The following SNU13 variants were observed in gnomAD, a reference collection of about 807,000 sequenced individuals.
The protein encoded by SNU13 is small nuclear ribonucleoprotein 13, also known as NHP2-like protein 1.
Under a neutral mutation model 12.4 loss-of-function variants are expected in SNU13, and 2 were observed. The observed-to-expected ratio is 0.16, with a 90% CI of 0.07 to 0.51. SNU13 has a LOEUF of 0.51. Ranked by LOEUF, SNU13 falls within the 20% of genes least tolerant of loss-of-function variation. The probability of loss-of-function intolerance (pLI) is 0.96; values close to 1 mark genes in which losing one functional copy is unlikely to be tolerated. For missense variants in SNU13, 66 were observed against 157.8 expected, an observed-to-expected ratio of 0.42 and a Z score of 3.12; for synonymous variants, 68 against 66.5, an observed-to-expected ratio of 1.02 and a Z score of -0.11.
chr22:41,678,003 T>A (rs1452610037), intron 2 of SNU13, among the ~76,000 whole-genome samples: 1 of 149,870 alleles, frequency 6.7e-6, no homozygotes, highest in Non-Finnish European at 1.5e-5. Context: ...TGAGACGGAG[T>A]CTCACTCTGT....
rs748967803 is a variant in SNU13, at chr22:41,675,158, G to A, written c.162C>T (p.Ile54=). 64 of 1,613,874 alleles carry A rather than the reference G, an allele frequency of 4.0e-5. No homozygotes were observed. The highest frequency in any genetic ancestry group is 1.6e-4 in the Middle Eastern group (1 of 6,082). ...GTGGCTCGGCGTCTGCAGCCATCAC[G>A]ATGAACTCAGAGATGCCCCTGTTGA... The part of the protein sequence containing the change: ...KTLNRGISEF[I]VMAADAEPLE... Residue 54 remains isoleucine (I), a synonymous_variant, in exon 3 of 3, where the codon ATC becomes ATT. Transcript: ENST00000401959.
In SNU13 at chr22:41,675,107, C is replaced by A. The variant is rs1361223267; in HGVS notation, c.213G>T (p.Leu71=). ...EPLEIILHLP[L]LCEDKNVPYV... is the part of the protein sequence containing the mutation. ...AGGGCACATTCTTGTCTTCACACAG[C>A]AGCGGCAGGTGCAGAATGATCTCCA... is the stretch of plus-strand genomic sequence containing the variant. The change falls in exon 3 of 3, where the codon CTG becomes CTT. Residue 71 remains leucine, a synonymous_variant. Transcript: ENST00000401959. 1.9e-6 allele frequency: 3 copies of A among 1,614,134 alleles called. No homozygotes were observed. The African/African-American group carries it at 4.0e-5, about 22-fold the overall frequency.
chr22:41,678,571 T>C (rs2068234479), intron 2 of SNU13, among the ~76,000 whole-genome samples: 1 of 152,156 alleles, frequency 6.6e-6, no homozygotes, highest in African/African-American at 2.4e-5. Context: ...CCGTGCAAAG[T>C]ATGGCAAGAG....
In SNU13 at chr22:41,677,247, G is replaced by A. The variant is rs1173345192; in HGVS notation, c.125-2052C>T. On this transcript the variant is annotated intron_variant, in intron 2 of 2. Coordinates refer to ENST00000401959, the MANE Select transcript of SNU13 (RefSeq NM_001003796.2). ...ACCAGTTAATAAGAATGATGAGGCT[G>A]GGCATGGTGGCTCACACCTGTAATC... Among the ~76,000 whole-genome samples, 3 of 152,218 alleles carry A rather than the reference G, an allele frequency of 2.0e-5. No individual in the cohort carries two copies. The East Asian group carries it at 5.8e-4, about 29-fold the overall frequency.
At chr22:41,677,089 T>A (rs1219908365) in intron 2 of SNU13, among the ~76,000 whole-genome samples, 2 of 152,332 alleles carry the variant, frequency 1.3e-5, no homozygotes, top group East Asian at 3.9e-4. Context: ...TCAGCACGCA[T>A]CTTTCTTTTC....
In SNU13 at chr22:41,675,428, CT is replaced by C. The variant is rs879315245; in HGVS notation, c.125-234del. ...CTGAATCTGACCACTTCTTCTTCTT[CT>C]TTTTTTTTTTTGAGATGGAGTCTTG... On this transcript the variant is annotated intron_variant, in intron 2 of 2. Transcript: ENST00000401959. Among the ~76,000 whole-genome samples, 669 of 146,304 alleles carry C rather than the reference CT, an allele frequency of 4.6e-3. 1 individual carries two copies. The highest frequency in any genetic ancestry group is 0.013 in the African/African-American group (536 of 40,254).
At chr22:41,685,146 C>T (rs1569110785) in intron 1 of SNU13, among the ~76,000 whole-genome samples, 1 of 110,618 alleles carries the variant, frequency 9.0e-6, no homozygotes. Context: ...AAGAGTGAAA[C>T]TCCATCTCAA....
rs1213934329 is a variant in SNU13 at position 41,688,827 on chromosome 22, G to A, written c.-31C>T. 1.3e-6 allele frequency: 2 copies of A among 1,579,974 alleles called. No individual in the cohort carries two copies. The highest frequency in any genetic ancestry group is 1.3e-5 in the African/African-American group (1 of 74,496). On this transcript the variant is annotated 5_prime_UTR_variant, in exon 1 of 3. Coordinates refer to ENST00000401959, the MANE Select transcript of SNU13 (RefSeq NM_001003796.2). ...CGGTTCCGCGGGCTCAGCACTCCTA[G>A]GGGAGCGCAGCTGACGTTTCAGAAG...
intron 2 of SNU13, among the ~76,000 whole-genome samples, chr22:41,676,202 C>G (rs911347300): frequency 6.6e-6 from 1 of 152,128 alleles, no homozygotes; most frequent in African/African-American, 2.4e-5. Context: ...TCTCAATCTG[C>G]CATAATCAAT....
At chr22:41,682,240 C>A (rs1450172536) in intron 1 of SNU13, 2 of 1,136,804 alleles carry the variant, frequency 1.8e-6, no homozygotes, top group South Asian at 2.5e-5. Flanking sequence ...ACACCGCGCA[C>A]CTGCCTTTTC....
intron 1 of SNU13, among the ~76,000 whole-genome samples, chr22:41,680,839 C>G (rs1476431162): frequency 6.6e-6 from 1 of 152,190 alleles, no homozygotes; most frequent in Non-Finnish European, 1.5e-5. Context: ...GGACTATAAG[C>G]GTGCACCACC....
At chr22:41,685,704 G>T (rs1000210108) in intron 1 of SNU13, among the ~76,000 whole-genome samples, 17 of 151,642 alleles carry the variant, frequency 1.1e-4, no homozygotes, top group Admixed American at 7.2e-4. Context: ...GGTGGCTCAC[G>T]CCTGTAATCC....
chr22:41,678,956 T>C (rs2068237675), intron 2 of SNU13, among the ~76,000 whole-genome samples: 1 of 152,178 alleles, frequency 6.6e-6, no homozygotes, highest in South Asian at 2.1e-4. Context: ...CAGCATCTAT[T>C]AAAATGAGAG....
chr22:41,688,940 T>C, upstream of SNU13: 4 of 1,412,288 alleles, frequency 2.8e-6, no homozygotes, highest in Non-Finnish European at 3.7e-6. Context: ...CGCGAGCGAG[T>C]GGGCCCCGCC....
intron 1 of SNU13, chr22:41,682,710 TC>T (rs1040210664): frequency 2.0e-6 from 1 of 492,700 alleles, no homozygotes; most frequent in African/African-American, 2.0e-5. Context: ...AGACGGAGTC[TC>T]CCTCTGTCGC....
chr22:41,675,255 C>A, intron 2 of SNU13, 60 bp from the exon 3 acceptor site: 1 of 1,580,790 alleles, frequency 6.3e-7, no homozygotes, highest in Non-Finnish European at 8.6e-7. Context: ...GCAGCCACAA[C>A]AAACTGGGAA....
rs572829322 is a variant in SNU13 at position 41,685,317 on chromosome 22, A to T, written c.3+3477T>A. On this transcript the variant is annotated intron_variant, in intron 1 of 2. Coordinates refer to ENST00000401959, the MANE Select transcript of SNU13 (RefSeq NM_001003796.2). ...CAGCCTCCTCAGTAACTGGAACTAC[A>T]AGTGTGGGCCACCACTCCTGGCTAA... 6.6e-5 allele frequency among the ~76,000 whole-genome samples: 10 copies of T among 152,140 alleles called. No homozygotes were observed. The South Asian group carries it at 2.1e-3, about 32-fold the overall frequency.
chr22:41,682,229 G>A lies in SNU13; in HGVS notation c.4-1865C>T, dbSNP rs2147137979. 7.9e-6 allele frequency: 8 copies of A among 1,006,354 alleles called. 1 individual carries two copies. The highest frequency in any genetic ancestry group is 7.9e-5 in the South Asian group (6 of 76,276). 62.3% of individuals were successfully genotyped at this position (1,006,354 alleles called of 1,614,324 possible). A position where few individuals can be genotyped will look rare whatever the true frequency, so the allele number is the denominator to read the frequency against. On this transcript the variant is annotated intron_variant, in intron 1 of 2. Coordinates refer to ENST00000401959, the MANE Select transcript of SNU13 (RefSeq NM_001003796.2). ...CGCCTGCCTCGGTGGTCTCCTGCCC[G>A]ACACCGCGCACCTGCCTTTTCCTCC... is the stretch of plus-strand genomic sequence containing the variant.
At chr22:41,682,337 G>C in intron 1 of SNU13, 1 of 1,608,618 alleles carries the variant, frequency 6.2e-7, no homozygotes, top group Non-Finnish European at 8.5e-7. Context: ...GGAGATAATG[G>C]CCCAGTAGGA....
Sources: allele counts gnomAD v4.1 joint callset (sites outside exome capture counted in the v4.1 genomes callset), GRCh38; gene constraint gnomAD v4.1.1; transcripts MANE v1.5; gene names NCBI Gene and HGNC (gene_info 2026-07-23, HGNC 2026-07-21).